The following SIGLEC12 variants were observed in gnomAD, a reference collection of about 807,000 sequenced individuals.
SIGLEC12 encodes sialic acid-binding Ig-like lectin 12.
SIGLEC12 carries 43 observed loss-of-function variants against 54.1 expected under a neutral mutation model. The observed-to-expected ratio is 0.80, with a 90% CI of 0.62 to 1.03. The LOEUF (loss-of-function observed/expected upper bound fraction) is 1.03, where lower values mean the gene tolerates loss of function less well. Ranked by LOEUF, SIGLEC12 falls within the 50% of genes least tolerant of loss-of-function variation. SIGLEC12 has a pLI of 0.00. For synonymous variants in SIGLEC12, 357 were observed against 307.6 expected, an observed-to-expected ratio of 1.16 and a Z score of -1.68; for missense variants, 802 against 735.2, an observed-to-expected ratio of 1.09 and a Z score of -1.05.
chr19:51,495,097 G>C (rs1990187988), intron 7 of SIGLEC12, among the ~76,000 whole-genome samples: 1 of 150,942 alleles, frequency 6.6e-6, no homozygotes, highest in African/African-American at 2.4e-5. Flanking sequence ...TAAATTTTAT[G>C]TTATGTGTTA....
chr19:51,501,239 C>T lies in SIGLEC12; in HGVS notation c.427+68G>A. ...CCGGCCCCCTCCCAGGACATGTGTC[C>T]CGTCTCAGCCGTGCCCTAAAGCCCT... On this transcript the variant is annotated intron_variant, in intron 1 of 7. Coordinates refer to ENST00000291707, the MANE Select transcript of SIGLEC12 (RefSeq NM_053003.4). The T allele has an allele frequency of 3.3e-6, 5 of 1,512,416 alleles. No individual in the cohort carries two copies. The South Asian group carries it at 4.9e-5, about 15-fold the overall frequency. The allele number at this position is 1,512,416 out of a possible 1,614,324, so 93.7% of individuals were successfully genotyped here. A position where few individuals can be genotyped will look rare whatever the true frequency, so the allele number is the denominator to read the frequency against.
chr19:51,494,851 A>G (rs945196494), intron 7 of SIGLEC12, among the ~76,000 whole-genome samples: 1 of 152,238 alleles, frequency 6.6e-6, no homozygotes, highest in Non-Finnish European at 1.5e-5. Context: ...TGTTAAGTAA[A>G]TCGTCCAGTC....
At chr19:51,495,402 T>TGGATGGAC (rs1990215723) in intron 7 of SIGLEC12, among the ~76,000 whole-genome samples, 1 of 54,636 alleles carries the variant, frequency 1.8e-5, no homozygotes, top group Admixed American at 2.3e-4. Flanking sequence ...GATGGATGGG[T>TGGATGGAC]GGGTGGGTGG....
At chr19:51,497,197 C>G (rs1599953288) in intron 6 of SIGLEC12, 152 bp downstream of exon 6, 5 of 864,770 alleles carry the variant, frequency 5.8e-6, no homozygotes, top group Non-Finnish European at 9.0e-6. Context: ...CAAACAGGGG[C>G]GCTCATGAAA....
In SIGLEC12 at chr19:51,491,407, G is replaced by T; in HGVS notation, c.*234C>A. On this transcript the variant is annotated 3_prime_UTR_variant, in exon 8 of 8. Transcript: ENST00000291707. ...GGAACCTAAAATAGTCGACCTCAGA[G>T]AAGTAGAGAAGAGAATGGTGGGTAC... The T allele has an allele frequency of 1.9e-6, 1 of 523,004 alleles. No individual in the cohort carries two copies. The highest frequency in any genetic ancestry group is 3.4e-6 in the Non-Finnish European group (1 of 292,800). 32.4% of individuals were successfully genotyped at this position (523,004 alleles called of 1,614,324 possible). A position where few individuals can be genotyped will look rare whatever the true frequency, so the allele number is the denominator to read the frequency against.
rs753798718 is a variant in SIGLEC12 at position 51,497,375 on chromosome 19, G to C, written c.1476C>G (p.Phe492Leu). ...FGGAGATALVFLYFCIIFVVV... is the reference protein window; with the variant it reads ...FGGAGATALVLLYFCIIFVVV... ...CAACGAAGATGATGCAGAAGTACAG[G>C]AAGACCAGGGCTGTGGCTCCAGCTC... is the stretch of plus-strand genomic sequence containing the variant. The change falls in exon 6 of 8, where the codon TTC (phenylalanine) becomes TTG (leucine). Residue 492 changes from phenylalanine (F) to leucine (L), a missense_variant. Coordinates refer to ENST00000291707, the MANE Select transcript of SIGLEC12 (RefSeq NM_053003.4). 7 of 1,613,204 alleles carry C rather than the reference G, an allele frequency of 4.3e-6. No homozygotes were observed. The highest frequency in any genetic ancestry group is 5.1e-6 in the Non-Finnish European group (6 of 1,179,308).
rs181935856 is a variant in SIGLEC12, at chr19:51,500,522, G to A, written c.428-222C>T. ...AGAAACTGCAAACCCACATGCTATA[G>A]GAACTCATTCCCTCTGCACAGAGTG... On this transcript the variant is annotated intron_variant, in intron 1 of 7. Coordinates refer to ENST00000291707, the MANE Select transcript of SIGLEC12 (RefSeq NM_053003.4). The A allele has an allele frequency of 4.3e-4, 308 of 715,426 alleles. 5 individuals carry two copies. In the East Asian group the frequency reaches 8.2e-3, roughly 19 times the overall value. 44.3% of individuals were successfully genotyped at this position (715,426 alleles called of 1,614,324 possible).
rs1163997876 is a variant in SIGLEC12, at chr19:51,497,891, C to T, written c.1405+127G>A. 7.4e-6 allele frequency: 10 copies of T among 1,357,272 alleles called. No individual in the cohort carries two copies. The Admixed American group carries it at 1.8e-4, about 25-fold the overall frequency. 84.1% of individuals were successfully genotyped at this position (1,357,272 alleles called of 1,614,324 possible). ...AGATTAACTCCTCCCCTCTCCCCAC[C>T]CCGCACTCACTGCTTGGCAGCAAGA... On this transcript the variant is annotated intron_variant, in intron 5 of 7. Transcript: ENST00000291707.
Position 51,497,310 on chromosome 19 carries a change from C to A in SIGLEC12, c.1502+39G>T, listed in dbSNP as rs756066458. On this transcript the variant is annotated intron_variant, in intron 6 of 7. Coordinates refer to ENST00000291707, the MANE Select transcript of SIGLEC12 (RefSeq NM_053003.4). ...TTCAGGGATTTTGTTCCCAGCCTGCCCTCCCCCAAGGCTCTTCCTCCCCAG... is the reference window on the plus strand; with the variant it reads ...TTCAGGGATTTTGTTCCCAGCCTGCACTCCCCCAAGGCTCTTCCTCCCCAG... The A allele has an allele frequency of 2.5e-6, 4 of 1,569,684 alleles. No individual in the cohort carries two copies. The African/African-American group carries it at 5.4e-5, about 21-fold the overall frequency.
At chr19:51,498,426 G>A (rs1599954623) in intron 4 of SIGLEC12, 139 bp from the exon 5 acceptor site, 1 of 693,650 alleles carries the variant, frequency 1.4e-6, no homozygotes, top group African/African-American at 1.8e-5. Flanking sequence ...ACTGCTCACT[G>A]TTGGGGATGT....
Position 51,500,079 on chromosome 19 carries a change from G to A in SIGLEC12, c.649C>T (p.His217Tyr), listed in dbSNP as rs1461481439. The A allele has an allele frequency of 1.2e-6, 2 of 1,614,020 alleles. No homozygotes were observed. The highest frequency in any genetic ancestry group is 1.1e-5 in the South Asian group (1 of 91,082). The change falls in exon 2 of 8, where the codon CAC becomes TAC. Residue 217 changes from histidine (H) to tyrosine (Y), a missense_variant. By Grantham distance (83) the His-to-Tyr change is moderately conservative (BLOSUM62 2). Transcript: ENST00000291707. ...TPSGKVQEDT[H>Y]GRFLLLGDPQ... ...TCCCCAAGGAGGAGGAATCGACCGTGGGTATCCTCTTGCACTTTTCCACTT... is the reference window on the plus strand; with the variant it reads ...TCCCCAAGGAGGAGGAATCGACCGTAGGTATCCTCTTGCACTTTTCCACTT...
In SIGLEC12 at chr19:51,497,394, C is replaced by T. The variant is rs1990270662; in HGVS notation, c.1457G>A (p.Gly486Glu). Residue 486 changes from glycine (G) to glutamate (E), a missense_variant, in exon 6 of 8, where the codon GGA becomes GAA. Physicochemically the swap from Gly to Glu is moderately conservative, Grantham distance 98 (BLOSUM62 -2). Coordinates refer to ENST00000291707, the MANE Select transcript of SIGLEC12 (RefSeq NM_053003.4). ...GTACAGGAAGACCAGGGCTGTGGCT[C>T]CAGCTCCCCCGAATGCCCCTAGCGT... ...GVTLGAFGGA[G>E]ATALVFLYFC... The T allele has an allele frequency of 2.5e-6, 4 of 1,613,268 alleles. No homozygotes were observed. In the East Asian group the frequency reaches 6.7e-5, roughly 27 times the overall value.
chr19:51,498,172 G>T lies in SIGLEC12; in HGVS notation c.1251C>A (p.Ser417Arg). ...PPARLSWTWG[S>R]LTLSPSQSSN... Reference sequence around the variant, plus strand: ...AGGACTGTGAGGGGCTCAGGGTCAGGCTCCCCCAGGTCCAGCTCAGCCTGG... The same window carrying T: ...AGGACTGTGAGGGGCTCAGGGTCAGTCTCCCCCAGGTCCAGCTCAGCCTGG... Residue 417 changes from serine (S) to arginine (R), a missense_variant, in exon 5 of 8, where the codon AGC becomes AGA. Transcript: ENST00000291707. The T allele has an allele frequency of 1.2e-6, 2 of 1,614,216 alleles. No individual in the cohort carries two copies. The highest frequency in any genetic ancestry group is 1.7e-6 in the Non-Finnish European group (2 of 1,180,036).
In SIGLEC12 at chr19:51,499,448, G is replaced by A. The variant is rs781026072; in HGVS notation, c.1077C>T (p.Leu359=). Residue 359 remains leucine (L), a synonymous_variant, in exon 3 of 8, where the codon CTC becomes CTT. Coordinates refer to ENST00000291707, the MANE Select transcript of SIGLEC12 (RefSeq NM_053003.4). The stretch of plus-strand genomic sequence containing the variant: ...TGGCCCAGAACTCACAGGATATGTT[G>A]AGTCGGACAGCCCTGGTCATGGTCA... The part of the protein sequence containing the change: ...AGVTMTRAVR[L]NISYPPQNLT... 6.3e-7 allele frequency: 1 copy of A among 1,581,590 alleles called. No individual in the cohort carries two copies.
At chr19:51,496,045 G>A (rs79498998) in intron 7 of SIGLEC12, among the ~76,000 whole-genome samples, 7,781 of 152,250 alleles carry the variant, frequency 0.051, 268 homozygotes, top group East Asian at 0.13. Flanking sequence ...GGCTGGAGGC[G>A]GGGCTGGGAT....
At position 51,501,666 on chromosome 19, in the gene SIGLEC12, T is replaced by C. The variant is rs201603484; in HGVS notation, c.68A>G (p.Asp23Gly). 1.2e-6 allele frequency: 2 copies of C among 1,614,046 alleles called. No individual in the cohort carries two copies. Among genetic ancestry groups the C allele is most frequent in the Admixed American group, 1.7e-5 (1 of 60,022 alleles). The change falls in exon 1 of 8, where the codon GAT becomes GGT. Residue 23 changes from aspartate (D) to glycine (G), a missense_variant. Asp to Gly is a moderately conservative substitution (Grantham distance 94, BLOSUM62 -1). Transcript: ENST00000291707. ...GGACTTCTGCATTGTCAGCAGGTAA[T>C]CCTTCTGTTCCTTAGCCCCCACTCT... The part of the protein sequence containing the change: ...CGRVGAKEQK[D>G]YLLTMQKSVT...
intron 4 of SIGLEC12, 109 bp downstream of exon 4, chr19:51,499,061 G>T (rs892232002): frequency 1.7e-4 from 191 of 1,134,912 alleles, no homozygotes; most frequent in Non-Finnish European, 2.0e-4. Flanking sequence ...AGGGAGGGGG[G>T]GGCCGGGGCT....
intron 4 of SIGLEC12, 118 bp downstream of exon 4, chr19:51,499,052 G>C (rs915820620): frequency 2.7e-5 from 28 of 1,022,246 alleles, no homozygotes; most frequent in Non-Finnish European, 4.2e-5. Flanking sequence ...CTGAGGCTGA[G>C]GGAGGGGGGG....
chr19:51,491,416 A>G lies in SIGLEC12; in HGVS notation c.*225T>C. On this transcript the variant is annotated 3_prime_UTR_variant, in exon 8 of 8. Transcript: ENST00000291707. The stretch of plus-strand genomic sequence containing the variant: ...AATAGTCGACCTCAGAGAAGTAGAG[A>G]AGAGAATGGTGGGTACCAGAGGCCG... The G allele has an allele frequency of 3.7e-6, 2 of 535,464 alleles. No homozygotes were observed. Among genetic ancestry groups the G allele is most frequent in the Non-Finnish European group, 6.7e-6 (2 of 300,266 alleles). The allele number at this position is 535,464 out of a possible 1,614,324, so 33.2% of individuals were successfully genotyped here.
Sources: allele counts gnomAD v4.1 joint callset (sites outside exome capture counted in the v4.1 genomes callset), GRCh38; gene constraint gnomAD v4.1.1; transcripts MANE v1.5; gene names NCBI Gene and HGNC (gene_info 2026-07-23, HGNC 2026-07-21).